Variants in GCLC observed in about 807,000 individuals in gnomAD.
GCLC encodes glutamate-cysteine ligase catalytic subunit.
GCLC carries 30 observed loss-of-function variants against 81.5 expected under a neutral mutation model. The ratio of observed to expected loss-of-function variants is 0.37; its 90% CI spans 0.28 to 0.50. The LOEUF (loss-of-function observed/expected upper bound fraction) is 0.50. Among genes scored for constraint, GCLC ranks in the 20% least tolerant of loss-of-function variants. The pLI, the probability that GCLC is intolerant of heterozygous loss-of-function variation, is 0.96. For missense variants in GCLC, 556 were observed against 777.4 expected (o/e 0.72, Z 3.39); for synonymous variants, 262 against 273.3 (o/e 0.96, Z 0.41).
At chr6:53,517,420 T>A (rs542797339) in intron 3 of GCLC, among the ~76,000 whole-genome samples, 3 of 152,008 alleles carry the variant, frequency 2.0e-5, no homozygotes, top group Non-Finnish European at 2.9e-5. Flanking sequence ...TTTTAACCCC[T>A]ACCTTTTCTT....
intron 3 of GCLC, among the ~76,000 whole-genome samples, chr6:53,518,873 G>A (rs1762934682): frequency 6.6e-6 from 1 of 152,154 alleles, no homozygotes; most frequent in South Asian, 2.1e-4. Context: ...CTCTACTCTA[G>A]TACTCTTAAG....
chr6:53,531,280 G>A (rs74543378), intron 1 of GCLC, among the ~76,000 whole-genome samples: 5,431 of 152,182 alleles, frequency 0.036, 164 homozygotes, highest in Middle Eastern at 0.086. Flanking sequence ...AAAAATAATC[G>A]TTAATAGGGT....
intron 12 of GCLC, among the ~76,000 whole-genome samples, chr6:53,504,665 G>A (rs904164585): frequency 1.3e-5 from 2 of 152,118 alleles, no homozygotes; most frequent in African/African-American, 4.8e-5. Context: ...AGCACAGTCT[G>A]GCAAACCCCT....
In GCLC at chr6:53,507,624, G is replaced by A; in HGVS notation, c.946-6C>T. ...TAGTTATTGTTCTTCAATGGCTAAA[G>A]ATTAAAAATATATATAAATGAATAT... On this transcript the variant is annotated splice_region_variant and splice_polypyrimidine_tract_variant and intron_variant, in intron 8 of 15. Coordinates refer to ENST00000650454, the MANE Select transcript of GCLC (RefSeq NM_001498.4). 7.6e-7 allele frequency: 1 copy of A among 1,317,492 alleles called. No homozygotes were observed. Among genetic ancestry groups the A allele is most frequent in the Non-Finnish European group, 1.1e-6 (1 of 916,414 alleles). The allele number at this position is 1,317,492 out of a possible 1,614,324, so 81.6% of individuals were successfully genotyped here. A position where few individuals can be genotyped will look rare whatever the true frequency, so the allele number is the denominator to read the frequency against.
intron 4 of GCLC, among the ~76,000 whole-genome samples, chr6:53,514,709 T>C (rs1764831946): frequency 6.6e-6 from 1 of 152,222 alleles, no homozygotes; most frequent in Admixed American, 6.5e-5. Flanking sequence ...TGGCTCCTGC[T>C]CGAGAATGCC....
intron 2 of GCLC, among the ~76,000 whole-genome samples, chr6:53,522,069 A>G (rs1763009124): frequency 1.3e-5 from 2 of 152,252 alleles, no homozygotes; most frequent in African/African-American, 4.8e-5. Context: ...ACGCTTCTGC[A>G]ATACATTTTT....
chr6:53,498,698 G>A lies in GCLC; in HGVS notation c.*58C>T. On this transcript the variant is annotated 3_prime_UTR_variant, in exon 16 of 16. Transcript: ENST00000650454. ...TTCATATTATACACACGGGCTGGCT[G>A]AGAGGCATGGTACTGTAGCCAGTTC... 2 of 1,054,358 alleles carry A rather than the reference G, an allele frequency of 1.9e-6. No individual in the cohort carries two copies. Among genetic ancestry groups the A allele is most frequent in the Non-Finnish European group, 1.5e-6 (1 of 671,010 alleles). 65.3% of individuals were successfully genotyped at this position (1,054,358 alleles called of 1,614,324 possible). A position where few individuals can be genotyped will look rare whatever the true frequency, so the allele number is the denominator to read the frequency against.
At chr6:53,505,121 T>A in intron 12 of GCLC, 2 of 414,186 alleles carry the variant, frequency 4.8e-6, no homozygotes, top group South Asian at 4.8e-5. Context: ...TCCCTCCCCA[T>A]CCTAATTTAA....
At chr6:53,530,996 A>G (rs1410447748) in intron 1 of GCLC, among the ~76,000 whole-genome samples, 2 of 152,162 alleles carry the variant, frequency 1.3e-5, no homozygotes, top group Non-Finnish European at 2.9e-5. Flanking sequence ...CTTTGGAGTC[A>G]ATCAGTTTGA....
At chr6:53,504,644 G>A (rs1764579269) in intron 12 of GCLC, among the ~76,000 whole-genome samples, 1 of 152,150 alleles carries the variant, frequency 6.6e-6, no homozygotes, top group South Asian at 2.1e-4. Flanking sequence ...CCTTCAGGGG[G>A]TGTGGGGATG....
chr6:53,499,312 C>T (rs917790159), intron 15 of GCLC, among the ~76,000 whole-genome samples: 2 of 152,174 alleles, frequency 1.3e-5, no homozygotes, highest in African/African-American at 2.4e-5. Flanking sequence ...GCTAGGACTA[C>T]AAATGCCAGT....
Position 53,544,657 on chromosome 6 carries a change from C to CCTCCTCCTCCTA in GCLC, c.-13_-12insTAGGAGGAGGAG. ...GACAGCAGCCCCATGGCCGCCCCCT[C>CCTCCTCCTCCTA]CTCCTCCTCCTCCTCCTCCGGGCTG... is the stretch of plus-strand genomic sequence containing the variant. On this transcript the variant is annotated 5_prime_UTR_variant, in exon 1 of 16. Transcript: ENST00000650454. 6.4e-7 allele frequency: 1 copy of CCTCCTCCTCCTA among 1,566,356 alleles called. No homozygotes were observed. The highest frequency in any genetic ancestry group is 1.4e-5 in the African/African-American group (1 of 70,280).
intron 12 of GCLC, among the ~76,000 whole-genome samples, chr6:53,504,812 A>G (rs530940067): frequency 6.6e-6 from 1 of 152,176 alleles, no homozygotes; most frequent in East Asian, 1.9e-4. Context: ...CCCCTGCGGC[A>G]GGGCCCTCTC....
At chr6:53,514,643 T>C (rs998122315) in intron 4 of GCLC, 146 bp from the exon 5 acceptor site, 1 of 733,394 alleles carries the variant, frequency 1.4e-6, no homozygotes, top group African/African-American at 1.7e-5. Context: ...ATCTGTGGTG[T>C]CAAGACACTA....
chr6:53,529,724 C>T (rs995679165), intron 1 of GCLC, among the ~76,000 whole-genome samples: 2 of 152,226 alleles, frequency 1.3e-5, no homozygotes, highest in Non-Finnish European at 1.5e-5. Flanking sequence ...CTAGTCACCA[C>T]GTGGTTGACA....
At chr6:53,540,856 C>T (rs1763341720) in intron 1 of GCLC, among the ~76,000 whole-genome samples, 1 of 152,140 alleles carries the variant, frequency 6.6e-6, no homozygotes, top group African/African-American at 2.4e-5. Flanking sequence ...AATACTTAGG[C>T]ATGATGAGAC....
chr6:53,540,709 G>C lies in GCLC; in HGVS notation c.150+3787C>G, dbSNP rs140350546. 1.3e-3 allele frequency among the ~76,000 whole-genome samples: 170 copies of C among 127,586 alleles called. No homozygotes were observed. In the East Asian group the frequency reaches 0.016, roughly 12 times the overall value. The allele number at this position is 127,586 out of a possible 152,430, so 83.7% of individuals were successfully genotyped here. A position where few individuals can be genotyped will look rare whatever the true frequency, so the allele number is the denominator to read the frequency against. ...CACACACACACACACACACACAAAA[G>C]TCCTGGTTGGAATCTTCTAAATGTA... On this transcript the variant is annotated intron_variant, in intron 1 of 15. Transcript: ENST00000650454.
At chr6:53,538,553 G>T (rs1763298008) in intron 1 of GCLC, among the ~76,000 whole-genome samples, 1 of 152,054 alleles carries the variant, frequency 6.6e-6, no homozygotes, top group Admixed American at 6.6e-5. Context: ...AGATGGTCTT[G>T]ATCTCCTGAC....
intron 1 of GCLC, among the ~76,000 whole-genome samples, chr6:53,533,183 A>C (rs959643234): frequency 6.6e-6 from 1 of 152,236 alleles, no homozygotes; most frequent in African/African-American, 2.4e-5. Context: ...AGATATTACC[A>C]AAGTGACCCA....
Sources: gnomAD v4.1 joint callset for allele counts (sites outside exome capture counted in the v4.1 genomes callset) on GRCh38, gnomAD v4.1.1 for gene constraint, MANE v1.5 for transcripts, NCBI Gene and HGNC (gene_info 2026-07-23, HGNC 2026-07-21) for gene names.